The following PPARGC1A variants were observed in gnomAD, a reference collection of about 807,000 sequenced individuals.
PPARGC1A encodes the protein PPARG coactivator 1 alpha.
In PPARGC1A, 25 loss-of-function variants were observed where a neutral mutation model predicts 88.7. The ratio of observed to expected loss-of-function variants is 0.28; its 90% CI spans 0.21 to 0.39. The LOEUF (loss-of-function observed/expected upper bound fraction) is 0.39, where lower values mean the gene tolerates loss of function less well. Among genes scored for constraint, PPARGC1A ranks in the 10% least tolerant of loss-of-function variants. The probability of loss-of-function intolerance (pLI) is 1.00; values close to 1 mark genes in which losing one functional copy is unlikely to be tolerated. For synonymous variants in PPARGC1A, 363 were observed against 355.6 expected (o/e 1.02, Z -0.24); for missense variants, 880 against 968.7 (o/e 0.91, Z 1.22).
chr4:24,108,827 T>C, the PPARGC1A span, among the ~76,000 whole-genome samples: 1 of 152,080 alleles, frequency 6.6e-6, no homozygotes, highest in South Asian at 2.1e-4. Flanking sequence ...AGCAGTAACT[T>C]TGGCCAGAAG....
intron 10 of PPARGC1A, among the ~76,000 whole-genome samples, chr4:23,809,696 G>T (rs1720509316): frequency 6.6e-6 from 1 of 152,100 alleles, no homozygotes; most frequent in African/African-American, 2.4e-5. Flanking sequence ...AAAGATAAAT[G>T]AAGTATTTTA....
the PPARGC1A span, among the ~76,000 whole-genome samples, chr4:24,138,381 A>G: frequency 6.6e-6 from 1 of 152,196 alleles, no homozygotes; most frequent in Non-Finnish European, 1.5e-5. Flanking sequence ...ACAATTGGAC[A>G]CAGTCCAATT....
At chr4:24,065,732 GAGA>G in the PPARGC1A span, among the ~76,000 whole-genome samples, 1 of 152,156 alleles carries the variant, frequency 6.6e-6, no homozygotes, top group African/African-American at 2.4e-5. Context: ...TGTGAAGTCT[GAGA>G]AGATTTCTCT....
intron 2 of PPARGC1A, among the ~76,000 whole-genome samples, chr4:23,873,210 T>A (rs13106375): frequency 0.57 from 56,030 of 97,500 alleles, 18,168 homozygotes; most frequent in Non-Finnish European, 0.66. Context: ...AAATAAAAAA[T>A]AAAAAATAAA....
chr4:24,390,057 TGTAA>T, the PPARGC1A span, among the ~76,000 whole-genome samples: 1 of 150,762 alleles, frequency 6.6e-6, no homozygotes, highest in South Asian at 2.1e-4. Flanking sequence ...AGGCATGAAT[TGTAA>T]GTAACTTATT....
the PPARGC1A span, among the ~76,000 whole-genome samples, chr4:24,066,728 G>T: frequency 6.6e-6 from 1 of 152,056 alleles, no homozygotes; most frequent in Non-Finnish European, 1.5e-5. Context: ...CATTAGTACA[G>T]TCCCACTCGG....
At chr4:23,903,488 T>A (rs1393764311), upstream of PPARGC1A, among the ~76,000 whole-genome samples, 1 of 152,192 alleles carries the variant, frequency 6.6e-6, no homozygotes, top group Non-Finnish European at 1.5e-5. Context: ...AATGTTTGAG[T>A]AATGTTGAGA....
the PPARGC1A span, among the ~76,000 whole-genome samples, chr4:24,110,887 A>C: frequency 3.3e-5 from 5 of 152,216 alleles, no homozygotes; most frequent in South Asian, 8.3e-4. Context: ...TACAGTTAAA[A>C]CATGAAAGAA....
Position 23,884,797 on chromosome 4 carries a change from T to A in PPARGC1A, c.189A>T (p.Glu63Asp). 6.2e-7 allele frequency: 1 copy of A among 1,613,996 alleles called. No individual in the cohort carries two copies. The highest frequency in any genetic ancestry group is 8.5e-7 in the Non-Finnish European group (1 of 1,179,926). Residue 63 changes from glutamate to aspartate, a missense_variant, in exon 2 of 13, where the codon GAA (glutamate) becomes GAT (aspartate). Glu to Asp is a conservative substitution (Grantham distance 45). Coordinates refer to ENST00000264867, the MANE Select transcript of PPARGC1A (RefSeq NM_013261.5). ...CATTGTTGTACTGATTGGATATTAT[T>A]TCTGATTGGTCACTGCACCACTTGA... The part of the protein sequence containing the change: ...GGLKWCSDQS[E>D]IISNQYNNEP...
At chr4:24,248,489 A>G in the PPARGC1A span, among the ~76,000 whole-genome samples, 6 of 144,242 alleles carry the variant, frequency 4.2e-5, no homozygotes, top group Non-Finnish European at 6.1e-5. Flanking sequence ...CCACCTCTGG[A>G]AAAAAAAAAG....
chr4:23,840,241 C>T (rs992582227), intron 2 of PPARGC1A, among the ~76,000 whole-genome samples: 3 of 151,996 alleles, frequency 2.0e-5, no homozygotes, highest in African/African-American at 7.3e-5. Flanking sequence ...GGATAGTGCA[C>T]ATAATCAGCT....
intron 12 of PPARGC1A, among the ~76,000 whole-genome samples, chr4:23,799,460 C>T (rs1718254629): frequency 6.6e-6 from 1 of 152,194 alleles, no homozygotes; most frequent in African/African-American, 2.4e-5. Flanking sequence ...GGGTTGAATT[C>T]TTTGCCCAAC....
At chr4:23,819,172 A>G (rs1045714460) in intron 7 of PPARGC1A, among the ~76,000 whole-genome samples, 1 of 152,046 alleles carries the variant, frequency 6.6e-6, no homozygotes, top group African/African-American at 2.4e-5. Flanking sequence ...TTGTTAAAAT[A>G]TTCAGTAGAT....
chr4:24,326,249 C>T, the PPARGC1A span, among the ~76,000 whole-genome samples: 2 of 152,194 alleles, frequency 1.3e-5, no homozygotes, highest in African/African-American at 4.8e-5. Context: ...TATCACTCGC[C>T]TGCTACAGCA....
the PPARGC1A span, among the ~76,000 whole-genome samples, chr4:24,262,891 A>G: frequency 0.013 from 1,968 of 152,224 alleles, 52 homozygotes; most frequent in East Asian, 0.12. Context: ...AACTTCCTGT[A>G]CATCAGACTT....
chr4:24,225,011 A>C, the PPARGC1A span, among the ~76,000 whole-genome samples: 1 of 152,186 alleles, frequency 6.6e-6, no homozygotes, highest in Non-Finnish European at 1.5e-5. Context: ...GCCCAGTGTC[A>C]ATGCAGCAGA....
chr4:24,417,791 T>C, the PPARGC1A span, among the ~76,000 whole-genome samples: 1 of 152,124 alleles, frequency 6.6e-6, no homozygotes, highest in Non-Finnish European at 1.5e-5. Context: ...CATATATGTA[T>C]AGAAAAAATT....
chr4:24,136,740 C>T, the PPARGC1A span, among the ~76,000 whole-genome samples: 5 of 152,112 alleles, frequency 3.3e-5, no homozygotes, highest in Non-Finnish European at 7.4e-5. Flanking sequence ...AACTGTGTCC[C>T]CTGAAATCCA....
At chr4:23,980,000 T>A in the PPARGC1A span, among the ~76,000 whole-genome samples, 2 of 152,046 alleles carry the variant, frequency 1.3e-5, no homozygotes, top group African/African-American at 4.8e-5. Context: ...ATTAGCCCAC[T>A]GAAAAGACTG....
Sources: allele counts gnomAD v4.1 joint callset (sites outside exome capture counted in the v4.1 genomes callset), GRCh38; gene constraint gnomAD v4.1.1; transcripts MANE v1.5; gene names NCBI Gene and HGNC (gene_info 2026-07-23, HGNC 2026-07-21).